Variants in SLC7A7 observed in about 807,000 individuals in gnomAD.
SLC7A7 encodes solute carrier family 7 member 7, also known as Y+L amino acid transporter 1.
A neutral mutation model predicts 47.9 loss-of-function variants in SLC7A7; 39 were observed. The observed-to-expected ratio is 0.81, with a 90% CI of 0.63 to 1.06. The LOEUF is 1.06. SLC7A7 is among the 50% of genes least tolerant of loss of function. SLC7A7 has a pLI of 0.00. For synonymous variants in SLC7A7, 234 were observed against 242.8 expected (o/e 0.96, Z 0.34); for missense variants, 588 against 632.0 (o/e 0.93, Z 0.75).
At chr14:22,815,296 G>T (rs1477918977) in intron 1 of SLC7A7, 24 bp downstream of exon 1, 1 of 447,626 alleles carries the variant, frequency 2.2e-6, no homozygotes, top group African/African-American at 2.0e-5. Context: ...GTGGAGATGA[G>T]AAGAGGGTGG....
intron 2 of SLC7A7, among the ~76,000 whole-genome samples, chr14:22,793,358 C>T (rs1200848805): frequency 6.6e-6 from 1 of 152,214 alleles, no homozygotes; most frequent in Non-Finnish European, 1.5e-5. Context: ...AACCTCCAAG[C>T]TGCCTTTATT....
chr14:22,782,650 T>C (rs187468256), intron 2 of SLC7A7, among the ~76,000 whole-genome samples: 2 of 151,174 alleles, frequency 1.3e-5, no homozygotes, highest in East Asian at 3.9e-4. Context: ...TTAGTAGAGA[T>C]GGGGTTTCAC....
At chr14:22,795,285 G>T (rs1420796540) in intron 2 of SLC7A7, among the ~76,000 whole-genome samples, 2 of 143,682 alleles carry the variant, frequency 1.4e-5, no homozygotes, top group Non-Finnish European at 3.0e-5. Flanking sequence ...AAGTTCTCCA[G>T]ACTGGTCTCC....
At chr14:22,789,237 G>GGT (rs2038879510) in intron 2 of SLC7A7, among the ~76,000 whole-genome samples, 1 of 152,174 alleles carries the variant, frequency 6.6e-6, no homozygotes, top group Non-Finnish European at 1.5e-5. Context: ...ACTTGTGGTA[G>GGT]GTAGACTAAT....
chr14:22,802,350 C>A (rs1251583432), intron 2 of SLC7A7, among the ~76,000 whole-genome samples: 2 of 152,186 alleles, frequency 1.3e-5, no homozygotes, highest in African/African-American at 4.8e-5. Flanking sequence ...TTGCAGTGAG[C>A]CAAGATCCTG....
chr14:22,803,942 T>A (rs2039158448), intron 2 of SLC7A7, among the ~76,000 whole-genome samples: 1 of 152,074 alleles, frequency 6.6e-6, no homozygotes, highest in South Asian at 2.1e-4. Context: ...TCAGAAAAAA[T>A]TTCTCAAATT....
At position 22,773,423 on chromosome 14, in the gene SLC7A7, T is replaced by G; in HGVS notation, c.*187A>C. ...ACCTTCATTGTCCCCTTTAAAAGTC[T>G]GGAACAGTATGTAGCAAAACAAATA... On this transcript the variant is annotated 3_prime_UTR_variant, in exon 10 of 10. Coordinates refer to ENST00000674313, the MANE Select transcript of SLC7A7 (RefSeq NM_003982.4). 1 of 684,524 alleles carries G rather than the reference T, an allele frequency of 1.5e-6. No homozygotes were observed. 42.4% of individuals were successfully genotyped at this position (684,524 alleles called of 1,614,324 possible).
At chr14:22,789,796 G>A (rs2038892977) in intron 2 of SLC7A7, among the ~76,000 whole-genome samples, 1 of 152,066 alleles carries the variant, frequency 6.6e-6, no homozygotes, top group Admixed American at 6.6e-5. Flanking sequence ...AGTACAATAT[G>A]AGAAAGACTC....
chr14:22,811,274 G>A (rs754679396), intron 2 of SLC7A7, among the ~76,000 whole-genome samples: 8 of 152,184 alleles, frequency 5.3e-5, no homozygotes, highest in Non-Finnish European at 1.2e-4. Flanking sequence ...AATTGCACCT[G>A]GTGCAAAATT....
At chr14:22,810,340 T>C (rs1454426349) in intron 2 of SLC7A7, among the ~76,000 whole-genome samples, 5 of 151,016 alleles carry the variant, frequency 3.3e-5, no homozygotes, top group Non-Finnish European at 7.4e-5. Flanking sequence ...AGCACATCTG[T>C]AATCCCAGCT....
At chr14:22,774,576 C>T in intron 7 of SLC7A7, 73 bp from the exon 8 acceptor site, 5 of 1,592,246 alleles carry the variant, frequency 3.1e-6, no homozygotes, top group South Asian at 2.2e-5. Context: ...CCCTTTATAC[C>T]CCAGAAATCC....
chr14:22,781,563 T>C (rs2038720226), intron 2 of SLC7A7, among the ~76,000 whole-genome samples: 1 of 152,206 alleles, frequency 6.6e-6, no homozygotes, highest in South Asian at 2.1e-4. Context: ...ACCCCAGTGC[T>C]AAGTTAATAA....
chr14:22,790,033 A>G (rs1207821216), intron 2 of SLC7A7, among the ~76,000 whole-genome samples: 2 of 152,214 alleles, frequency 1.3e-5, no homozygotes, highest in African/African-American at 2.4e-5. Context: ...GAAGCAATAG[A>G]AAACTCATAT....
chr14:22,799,448 C>CTTTTTTTTTTTTTCTTTTT (rs2039073062), intron 2 of SLC7A7, among the ~76,000 whole-genome samples: 1 of 76,170 alleles, frequency 1.3e-5, no homozygotes, highest in Non-Finnish European at 2.3e-5. Context: ...TTTTTTCTTT[C>CTTTTTTTTTTTTTCTTTTT]TTTTTTTTTT....
rs368806576 is a variant in SLC7A7 at position 22,807,980 on chromosome 14, G to A, written c.499+4920C>T. On this transcript the variant is annotated intron_variant, in intron 2 of 9. Transcript: ENST00000674313. ...AGTTCGAGACCAGCCTGGCCAACGT[G>A]GTGAAACCCCGTCTCTACTAAAAAC... Among the ~76,000 whole-genome samples the A allele has an allele frequency of 6.9e-4, 105 of 151,996 alleles. 2 individuals carry two copies. The South Asian group carries it at 0.021, about 30-fold the overall frequency.
At chr14:22,797,168 C>G (rs1368277381) in intron 2 of SLC7A7, among the ~76,000 whole-genome samples, 1 of 152,086 alleles carries the variant, frequency 6.6e-6, no homozygotes, top group African/African-American at 2.4e-5. Flanking sequence ...TCCACCACAC[C>G]ACATACCTCC....
intron 2 of SLC7A7, among the ~76,000 whole-genome samples, chr14:22,784,286 C>A (rs990374230): frequency 6.6e-6 from 1 of 152,204 alleles, no homozygotes; most frequent in Non-Finnish European, 1.5e-5. Flanking sequence ...CAGCAGCACT[C>A]CTGCTTTGAC....
intron 2 of SLC7A7, among the ~76,000 whole-genome samples, chr14:22,801,903 G>T (rs907397456): frequency 3.0e-4 from 46 of 152,158 alleles, no homozygotes; most frequent in African/African-American, 1.1e-3. Flanking sequence ...GACAGTGCAG[G>T]GAACGTGGCA....
intron 8 of SLC7A7, 90 bp downstream of exon 8, chr14:22,774,264 G>A: frequency 1.2e-6 from 2 of 1,606,828 alleles, no homozygotes; most frequent in East Asian, 2.2e-5. Context: ...CCCAGGCAAA[G>A]GTTTCTAAAT....
Sources: gnomAD v4.1 joint callset for allele counts (sites outside exome capture counted in the v4.1 genomes callset) on GRCh38, gnomAD v4.1.1 for gene constraint, MANE v1.5 for transcripts, NCBI Gene and HGNC (gene_info 2026-07-23, HGNC 2026-07-21) for gene names.